CDKL3: variants seen among roughly 807,000 people sequenced by gnomAD.
CDKL3 encodes cyclin-dependent kinase-like 3.
In CDKL3, 65 loss-of-function variants were observed where a neutral mutation model predicts 69.3. That is an observed-to-expected ratio of 0.94 (90% CI 0.77 to 1.15). CDKL3 has a LOEUF of 1.15. Ranked by LOEUF, CDKL3 falls within the 50% of genes most tolerant of loss-of-function variation. CDKL3 has a pLI of 0.00. For missense variants in CDKL3, 652 were observed against 689.2 expected (o/e 0.95, Z 0.61); for synonymous variants, 202 against 221.6 (o/e 0.91, Z 0.79).
At chr5:134,303,145 G>A (rs1031345666) in intron 11 of CDKL3, among the ~76,000 whole-genome samples, 6 of 151,376 alleles carry the variant, frequency 4.0e-5, no homozygotes, top group African/African-American at 1.2e-4. Flanking sequence ...AGGCTGGAGT[G>A]CAGTGGCGCG....
chr5:134,327,541 A>G lies in CDKL3; in HGVS notation c.540-5638T>C, dbSNP rs375969506. On this transcript the variant is annotated intron_variant, in intron 4 of 12. Transcript: ENST00000265334. ...CCAGCCTAAAGGTATTCTCAACCACAGTACAGAATGTGGTGAAAGACAACT... is the reference window on the plus strand; with the variant it reads ...CCAGCCTAAAGGTATTCTCAACCACGGTACAGAATGTGGTGAAAGACAACT... Among the ~76,000 whole-genome samples the G allele has an allele frequency of 5.3e-5, 8 of 152,330 alleles. No homozygotes were observed. In the South Asian group the frequency reaches 1.0e-3, roughly 20 times the overall value.
chr5:134,313,973 A>G, intron 6 of CDKL3, among the ~76,000 whole-genome samples: 1 of 151,676 alleles, frequency 6.6e-6, no homozygotes, highest in Non-Finnish European at 1.5e-5. Flanking sequence ...CTCCGTCCCC[A>G]CTAAAAAAAA....
At chr5:134,342,399 C>A (rs1327704075) in intron 4 of CDKL3, among the ~76,000 whole-genome samples, 1 of 151,860 alleles carries the variant, frequency 6.6e-6, no homozygotes, top group African/African-American at 2.4e-5. Context: ...AAGATCGAGA[C>A]CATCCTGGCT....
At position 134,362,351 on chromosome 5, in the gene CDKL3, C is replaced by G. The variant is rs1171069895; in HGVS notation, c.166-2260G>C. ...CCTGACCAACATGGAGAAACGCTGTCTCTACTAAAAATACAAAATTAGCCT... is the reference window on the plus strand; with the variant it reads ...CCTGACCAACATGGAGAAACGCTGTGTCTACTAAAAATACAAAATTAGCCT... On this transcript the variant is annotated intron_variant, in intron 2 of 12. Coordinates refer to ENST00000265334, the MANE Select transcript of CDKL3 (RefSeq NM_001113575.2). 2.0e-5 allele frequency among the ~76,000 whole-genome samples: 3 copies of G among 152,104 alleles called. No homozygotes were observed. In the East Asian group the frequency reaches 5.8e-4, roughly 29 times the overall value.
intron 10 of CDKL3, 30 bp downstream of exon 10, chr5:134,306,579 C>A: frequency 1.6e-6 from 2 of 1,221,140 alleles, no homozygotes; most frequent in Non-Finnish European, 1.2e-6. Context: ...TAAAAGAGGC[C>A]ATATTTTAAT....
Position 134,326,831 on chromosome 5 carries a change from A to ATGTGTGTG in CDKL3, c.540-4929_540-4928insCACACACA, listed in dbSNP as rs1232929746. 1.9e-4 allele frequency among the ~76,000 whole-genome samples: 16 copies of ATGTGTGTG among 84,050 alleles called. No homozygotes were observed. The East Asian group carries it at 4.1e-3, about 22-fold the overall frequency. 55.1% of individuals were successfully genotyped at this position (84,050 alleles called of 152,430 possible). A position where few individuals can be genotyped will look rare whatever the true frequency, so the allele number is the denominator to read the frequency against. On this transcript the variant is annotated intron_variant, in intron 4 of 12. Transcript: ENST00000265334. ...TATATGTGTGTGTATATATATATAT[A>ATGTGTGTG]TATATATATATATATATATATATAT...
At chr5:134,340,675 C>A (rs1159430191) in intron 4 of CDKL3, among the ~76,000 whole-genome samples, 1 of 152,076 alleles carries the variant, frequency 6.6e-6, no homozygotes, top group African/African-American at 2.4e-5. Context: ...AATAGACAAT[C>A]TCAATAAACT....
chr5:134,285,889 C>G (rs1764838467), downstream of CDKL3, among the ~76,000 whole-genome samples: 1 of 152,116 alleles, frequency 6.6e-6, no homozygotes, highest in Non-Finnish European at 1.5e-5. Context: ...TTTGGGAGGC[C>G]AAGGCATGTG....
chr5:134,351,942 C>T (rs1753410435), intron 3 of CDKL3, among the ~76,000 whole-genome samples: 1 of 152,066 alleles, frequency 6.6e-6, no homozygotes, highest in Admixed American at 6.6e-5. Flanking sequence ...TTCAAGAATA[C>T]AATCATTGTT....
intron 6 of CDKL3, among the ~76,000 whole-genome samples, 156 bp from the exon 7 acceptor site, chr5:134,312,536 G>C (rs1769845257): frequency 1.3e-5 from 2 of 152,370 alleles, no homozygotes; most frequent in South Asian, 4.1e-4. Flanking sequence ...CTGGTAGTAA[G>C]TTCTGGCTGT....
chr5:134,336,408 T>C (rs1318855504), intron 4 of CDKL3, among the ~76,000 whole-genome samples: 1 of 152,204 alleles, frequency 6.6e-6, no homozygotes, highest in Non-Finnish European at 1.5e-5. Flanking sequence ...AGAGGCATTC[T>C]GGTTTTTGGA....
intron 12 of CDKL3, among the ~76,000 whole-genome samples, chr5:134,301,636 C>G (rs1002559634): frequency 1.3e-5 from 2 of 152,062 alleles, no homozygotes; most frequent in African/African-American, 4.8e-5. Flanking sequence ...AATCCCAGCA[C>G]TTTGGGAGGC....
At chr5:134,364,640 T>C (rs574263185) in intron 2 of CDKL3, among the ~76,000 whole-genome samples, 18 of 151,916 alleles carry the variant, frequency 1.2e-4, no homozygotes, top group African/African-American at 4.3e-4. Context: ...GCCTCCCGAA[T>C]AGCTGGGATT....
chr5:134,312,016 G>A (rs1032296655), intron 7 of CDKL3, among the ~76,000 whole-genome samples: 1 of 152,030 alleles, frequency 6.6e-6, no homozygotes, highest in Non-Finnish European at 1.5e-5. Flanking sequence ...GGCCGGTCGT[G>A]AACTCCAGGG....
downstream of CDKL3, among the ~76,000 whole-genome samples, chr5:134,294,695 G>C (rs1256583166): frequency 6.6e-6 from 1 of 151,502 alleles, no homozygotes; most frequent in African/African-American, 2.4e-5. Context: ...GGAAGGGAGG[G>C]AGTCAGGAGA....
At chr5:134,357,449 A>G (rs1754899494) in intron 3 of CDKL3, among the ~76,000 whole-genome samples, 1 of 151,416 alleles carries the variant, frequency 6.6e-6, no homozygotes, top group Non-Finnish European at 1.5e-5. Flanking sequence ...AAAATAAAAT[A>G]AAATAAAATA....
At position 134,308,264 on chromosome 5, in the gene CDKL3, G is replaced by T. The variant is rs747166445; in HGVS notation, c.1238C>A (p.Thr413Asn). 3 of 1,613,828 alleles carry T rather than the reference G, an allele frequency of 1.9e-6. No individual in the cohort carries two copies. The highest frequency in any genetic ancestry group is 2.5e-6 in the Non-Finnish European group (3 of 1,179,878). Residue 413 changes from threonine (T) to asparagine (N), a missense_variant, in exon 9 of 13, where the codon ACT (threonine) becomes AAT (asparagine). By Grantham distance (65) the Thr-to-Asn change is moderately conservative. Coordinates refer to ENST00000265334, the MANE Select transcript of CDKL3 (RefSeq NM_001113575.2). ...IEPPNPINPS[T>N]NCNGLKENPH... is the part of the protein sequence containing the mutation. The stretch of plus-strand genomic sequence containing the variant: ...ATTTTCTTTCAAGCCATTACAGTTA[G>T]TGCTGGGATTGATAGGGTTTGGTGG...
At chr5:134,325,789 A>C (rs1200821185) in intron 4 of CDKL3, among the ~76,000 whole-genome samples, 1 of 151,770 alleles carries the variant, frequency 6.6e-6, no homozygotes, top group East Asian at 1.9e-4. Context: ...TTTGAGATGG[A>C]GTCTCGCTCT....
At chr5:134,322,624 A>G (rs981754452) in intron 4 of CDKL3, among the ~76,000 whole-genome samples, 1 of 152,182 alleles carries the variant, frequency 6.6e-6, no homozygotes, top group Non-Finnish European at 1.5e-5. Flanking sequence ...ACCTCCACCT[A>G]TAAGGGAATG....
Sources: gnomAD v4.1 joint callset for allele counts (sites outside exome capture counted in the v4.1 genomes callset) on GRCh38, gnomAD v4.1.1 for gene constraint, MANE v1.5 for transcripts, NCBI Gene and HGNC (gene_info 2026-07-23, HGNC 2026-07-21) for gene names.